The following PCLO variants were observed in gnomAD, a reference collection of about 807,000 sequenced individuals.
The protein encoded by PCLO is piccolo presynaptic cytomatrix protein, also known as protein piccolo.
Under a neutral mutation model 427.5 loss-of-function variants are expected in PCLO, and 82 were observed. The observed-to-expected ratio is 0.19, with a 90% confidence interval of 0.16 to 0.23. PCLO has a LOEUF of 0.23. Among genes scored for constraint, PCLO ranks in the 10% least tolerant of loss-of-function variants. PCLO has a pLI of 1.00. For missense variants in PCLO, 6,239 were observed against 6,115.9 expected, an observed-to-expected ratio of 1.02 and a Z score of -0.67; for synonymous variants, 2,357 against 2,155.4, an observed-to-expected ratio of 1.09 and a Z score of -2.59.
chr7:82,858,629 A>C (rs1792869893), intron 10 of PCLO, among the ~76,000 whole-genome samples: 1 of 152,154 alleles, frequency 6.6e-6, no homozygotes, highest in African/African-American at 2.4e-5. Flanking sequence ...TCAACAACAA[A>C]AATCAGCCTA....
At chr7:82,913,412 G>A (rs1255774886) in intron 7 of PCLO, among the ~76,000 whole-genome samples, 1 of 152,030 alleles carries the variant, frequency 6.6e-6, no homozygotes, top group African/African-American at 2.4e-5. Flanking sequence ...AAGATGTTAT[G>A]TTTGAAAAGG....
At chr7:83,139,097 T>A (rs1292420333) in intron 2 of PCLO, among the ~76,000 whole-genome samples, 1 of 152,178 alleles carries the variant, frequency 6.6e-6, no homozygotes, top group Non-Finnish European at 1.5e-5. Flanking sequence ...CTCGTCATAT[T>A]TTCTAACAGA....
intron 20 of PCLO, among the ~76,000 whole-genome samples, chr7:82,812,357 A>G (rs1293145585): frequency 6.6e-6 from 1 of 151,572 alleles, no homozygotes; most frequent in East Asian, 1.9e-4. Flanking sequence ...CTTACATGAA[A>G]AAATACATGT....
chr7:82,982,857 A>G (rs1013070956), intron 3 of PCLO, among the ~76,000 whole-genome samples: 4 of 151,868 alleles, frequency 2.6e-5, no homozygotes, highest in African/African-American at 9.7e-5. Context: ...TTTACAATTA[A>G]CCTTTATGCT....
At chr7:83,047,033 G>C (rs1789120821) in intron 3 of PCLO, among the ~76,000 whole-genome samples, 1 of 151,968 alleles carries the variant, frequency 6.6e-6, no homozygotes, top group African/African-American at 2.4e-5. Context: ...TATCTTGAGA[G>C]CTACTAACAC....
chr7:82,907,614 A>T (rs1161805836), intron 8 of PCLO, among the ~76,000 whole-genome samples: 5 of 152,042 alleles, frequency 3.3e-5, no homozygotes, highest in Non-Finnish European at 7.4e-5. Context: ...AATTCAATAC[A>T]GGCTGATATG....
At chr7:82,917,176 C>A (rs905872292) in intron 6 of PCLO, among the ~76,000 whole-genome samples, 1 of 152,072 alleles carries the variant, frequency 6.6e-6, no homozygotes. Context: ...GTTTTATTAA[C>A]CATCTAAAAT....
intron 3 of PCLO, among the ~76,000 whole-genome samples, chr7:83,039,738 G>T (rs193283683): frequency 6.6e-6 from 1 of 152,074 alleles, no homozygotes; most frequent in Non-Finnish European, 1.5e-5. Context: ...AAAATAACCA[G>T]CTTAAATTTT....
rs539018403 is a variant in PCLO, at chr7:82,969,237, C to T, written c.3301-2750G>A. ...TAGGTATGAGGATAAAAGGTATCATCTATGTAATCTATTTTGTCACATAAA... is the reference window on the plus strand; with the variant it reads ...TAGGTATGAGGATAAAAGGTATCATTTATGTAATCTATTTTGTCACATAAA... On this transcript the variant is annotated intron_variant, in intron 3 of 24. Transcript: ENST00000333891. Among the ~76,000 whole-genome samples the T allele has an allele frequency of 3.3e-5, 5 of 152,160 alleles. No homozygotes were observed. In the East Asian group the frequency reaches 7.8e-4, roughly 24 times the overall value.
At chr7:82,792,598 G>T (rs1202080065) in intron 22 of PCLO, among the ~76,000 whole-genome samples, 1 of 151,936 alleles carries the variant, frequency 6.6e-6, no homozygotes. Flanking sequence ...AAAGTGCTGG[G>T]ATTACAGGGT....
At chr7:82,773,212 C>T (rs1790681544) in intron 22 of PCLO, among the ~76,000 whole-genome samples, 1 of 152,116 alleles carries the variant, frequency 6.6e-6, no homozygotes, top group South Asian at 2.1e-4. Context: ...CGTCATATAA[C>T]CCATTTAGAA....
At chr7:82,997,444 TTTC>T (rs1479788221) in intron 3 of PCLO, among the ~76,000 whole-genome samples, 3 of 152,036 alleles carry the variant, frequency 2.0e-5, no homozygotes, top group African/African-American at 7.2e-5. Flanking sequence ...TACTTTTGTC[TTTC>T]TTGTTATGTT....
intron 3 of PCLO, among the ~76,000 whole-genome samples, chr7:82,974,338 A>C (rs1000650006): frequency 5.9e-5 from 9 of 152,268 alleles, no homozygotes; most frequent in Admixed American, 2.0e-4. Context: ...GTGAGTTGAG[A>C]TCACGCCACT....
At chr7:83,088,116 C>T (rs993671530) in intron 3 of PCLO, among the ~76,000 whole-genome samples, 1 of 152,196 alleles carries the variant, frequency 6.6e-6, no homozygotes, top group Non-Finnish European at 1.5e-5. Flanking sequence ...CTAATTACTT[C>T]TCAGGAGTCA....
chr7:82,790,534 T>C (rs76169725), intron 22 of PCLO, among the ~76,000 whole-genome samples: 1 of 151,254 alleles, frequency 6.6e-6, no homozygotes, highest in Non-Finnish European at 1.5e-5. Context: ...TTTAAAAAAA[T>C]ATTCCTGCCA....
chr7:83,063,788 T>C (rs1229506446), intron 3 of PCLO, among the ~76,000 whole-genome samples: 1 of 152,098 alleles, frequency 6.6e-6, no homozygotes, highest in Non-Finnish European at 1.5e-5. Context: ...TTGATTTATC[T>C]TTTAGGCTGA....
At chr7:82,820,452 A>G (rs1562800378) in intron 20 of PCLO, 1 of 1,105,760 alleles carries the variant, frequency 9.0e-7, no homozygotes, top group East Asian at 4.2e-5. Context: ...GCTGCATCAT[A>G]TAACAATGGC....
intron 20 of PCLO, among the ~76,000 whole-genome samples, chr7:82,811,654 A>T (rs939097164): frequency 6.6e-6 from 1 of 151,426 alleles, no homozygotes; most frequent in African/African-American, 2.4e-5. Flanking sequence ...TAGAAGTTTA[A>T]TTTTTTTCCA....
intron 2 of PCLO, among the ~76,000 whole-genome samples, chr7:83,153,078 C>T (rs2116678656): frequency 6.6e-6 from 1 of 151,910 alleles, no homozygotes; most frequent in Non-Finnish European, 1.5e-5. Context: ...CATCTATCAT[C>T]TGAAGTCATT....
Sources: gnomAD v4.1 joint callset for allele counts (sites outside exome capture counted in the v4.1 genomes callset) on GRCh38, gnomAD v4.1.1 for gene constraint, MANE v1.5 for transcripts, NCBI Gene and HGNC (gene_info 2026-07-23, HGNC 2026-07-21) for gene names.